TSC2: variants seen among roughly 807,000 people sequenced by gnomAD.
TSC2 encodes the protein tuberin.
TSC2 carries 29 observed loss-of-function variants against 202.2 expected under a neutral mutation model. That is an observed-to-expected ratio of 0.14 (90% CI 0.11 to 0.20). The LOEUF is 0.20. Ranked by LOEUF, TSC2 falls within the 10% of genes least tolerant of loss-of-function variation. TSC2 has a pLI of 1.00. For missense variants in TSC2, 2,429 were observed against 2,420.0 expected, an observed-to-expected ratio of 1.00 and a Z score of -0.08; for synonymous variants, 1,349 against 1,044.0, an observed-to-expected ratio of 1.29 and a Z score of -5.63.
chr16:2,050,476 A>G lies in TSC2; in HGVS notation c.215A>G (p.Lys72Arg), dbSNP rs1489623582. ...GQICEVAKTK[K>R]FEEHAVEALW... ...ATTTGTGAAGTCGCAAAAACCAAGAAATTTGAAGAGGTAGGTTTATCCAGT... is the reference window on the plus strand; with the variant it reads ...ATTTGTGAAGTCGCAAAAACCAAGAGATTTGAAGAGGTAGGTTTATCCAGT... Residue 72 changes from lysine to arginine, a missense_variant, in exon 3 of 42, where the codon AAA becomes AGA. By Grantham distance (26) the Lys-to-Arg change is conservative. Transcript: ENST00000219476. 2.5e-6 allele frequency: 4 copies of G among 1,613,764 alleles called. No individual in the cohort carries two copies. The highest frequency in any genetic ancestry group is 3.4e-6 in the Non-Finnish European group (4 of 1,179,914).
Position 2,066,651 on chromosome 16 carries a change from CTTTT to C in TSC2, c.1716+1037_1716+1040del, listed in dbSNP as rs34619573. Among the ~76,000 whole-genome samples, 10 of 98,484 alleles carry C rather than the reference CTTTT, an allele frequency of 1.0e-4. No individual in the cohort carries two copies. The East Asian group carries it at 1.5e-3, about 15-fold the overall frequency. 64.6% of individuals were successfully genotyped at this position (98,484 alleles called of 152,430 possible). A position where few individuals can be genotyped will look rare whatever the true frequency, so the allele number is the denominator to read the frequency against. On this transcript the variant is annotated intron_variant, in intron 16 of 41. Transcript: ENST00000219476. ...GCAGCATGTAAGGGTTCTGATTTAT[CTTTT>C]TTTTTTTTTTTTTTTTTTTTGATAC... is the stretch of plus-strand genomic sequence containing the variant.
At position 2,081,651 on chromosome 16, in the gene TSC2, A is replaced by G; in HGVS notation, c.3667A>G (p.Ile1223Val). ...ENPLSPFSSD[I>V]NNMPLQELSN... ...CCCGCTCAGCCCTTTCTCCTCGGAC[A>G]TCAACAACATGCCCCTGCAGGAGCT... The change falls in exon 31 of 42, where the codon ATC becomes GTC. Residue 1223 changes from isoleucine (I) to valine (V), a missense_variant. Transcript: ENST00000219476. 1 of 1,612,956 alleles carries G rather than the reference A, an allele frequency of 6.2e-7. No homozygotes were observed. The highest frequency in any genetic ancestry group is 8.5e-7 in the Non-Finnish European group (1 of 1,180,006).
At chr16:2,087,162 C>A (rs2090919096) in intron 38 of TSC2, 1 of 481,322 alleles carries the variant, frequency 2.1e-6, no homozygotes, top group African/African-American at 2.0e-5. Context: ...TCCGGCGCGG[C>A]CCTTGGGCCC....
At position 2,056,643 on chromosome 16, in the gene TSC2, G is replaced by C. The variant is rs794727906; in HGVS notation, c.649-1G>C. ...GCGTGAGCCGTCTCCCTCTCCACCA[G>C]GTCTCCCTGCAGGTGCTGGACGCCG... On this transcript the variant is annotated splice_acceptor_variant, in intron 7 of 41. Coordinates refer to ENST00000219476, the MANE Select transcript of TSC2 (RefSeq NM_000548.5). LOFTEE classifies it high-confidence loss of function. 1.2e-6 allele frequency: 2 copies of C among 1,610,220 alleles called. No homozygotes were observed. Among genetic ancestry groups the C allele is most frequent in the Non-Finnish European group, 1.7e-6 (2 of 1,179,986 alleles).
At position 2,079,963 on chromosome 16, in the gene TSC2, A is replaced by G. The variant is rs564787362; in HGVS notation, c.3398-202A>G. ...CTCCAGCGAGCCGTGGTCTGACTGC[A>G]GGACAGGTTCTGGGTCCCTCCCTGT... On this transcript the variant is annotated intron_variant, in intron 29 of 41. Coordinates refer to ENST00000219476, the MANE Select transcript of TSC2 (RefSeq NM_000548.5). This position sits in a 1 kb window ranked among gnomAD's most constrained non-coding sequence, Gnocchi z 4.6. Among the ~76,000 whole-genome samples, 10 of 152,320 alleles carry G rather than the reference A, an allele frequency of 6.6e-5. No homozygotes were observed. The South Asian group carries it at 2.1e-3, about 32-fold the overall frequency.
At chr16:2,086,625 C>T in intron 37 of TSC2, 107 bp from the exon 38 acceptor site, 9 of 1,545,602 alleles carry the variant, frequency 5.8e-6, no homozygotes, top group African/African-American at 2.7e-5. Context: ...GGACGTGGTC[C>T]CCGCAGGCCC....
At chr16:2,080,901 C>G (rs756543454) in intron 30 of TSC2, 9 of 168,994 alleles carry the variant, frequency 5.3e-5, no homozygotes, top group Non-Finnish European at 1.2e-4. Context: ...GTTGCCCTCC[C>G]CGCCTGGAGG....
chr16:2,050,377 T>A (rs1567386500), intron 2 of TSC2, 23 bp from the exon 3 acceptor site: 2 of 1,613,084 alleles, frequency 1.2e-6, no homozygotes, highest in Admixed American at 1.7e-5. Context: ...CTGGCCCCTT[T>A]TTCTTCTTTC....
chr16:2,065,072 C>A (rs2087132939), intron 15 of TSC2: 2 of 187,080 alleles, frequency 1.1e-5, no homozygotes, highest in South Asian at 2.0e-4. Flanking sequence ...CAAGATTCTG[C>A]CACTGCACTC....
At position 2,071,504 on chromosome 16, in the gene TSC2, T is replaced by G. The variant is rs747952317; in HGVS notation, c.1840-6T>G. On this transcript the variant is annotated splice_polypyrimidine_tract_variant and splice_region_variant and intron_variant, in intron 17 of 41. Transcript: ENST00000219476. ...GCTCTGGCTTTCACCATCCTCTTCC[T>G]GACAGGCCTTTGACTTCCTGTTGCT... 26 of 1,613,534 alleles carry G rather than the reference T, an allele frequency of 1.6e-5. No homozygotes were observed. The highest frequency in any genetic ancestry group is 2.0e-5 in the Non-Finnish European group (24 of 1,179,988).
chr16:2,062,263 C>A (rs1486492617), intron 12 of TSC2, among the ~76,000 whole-genome samples: 2 of 152,234 alleles, frequency 1.3e-5, no homozygotes, highest in African/African-American at 4.8e-5. Flanking sequence ...TCCTGTGGCT[C>A]CCAGGCGGCC....
At chr16:2,069,012 G>T (rs2087814008) in intron 16 of TSC2, among the ~76,000 whole-genome samples, 1 of 152,160 alleles carries the variant, frequency 6.6e-6, no homozygotes, top group Admixed American at 6.5e-5. Flanking sequence ...GAGACACATG[G>T]TCTTGCTCTC....
chr16:2,064,405 G>A lies in TSC2; in HGVS notation c.1577G>A (p.Ser526Asn), dbSNP rs376573446. The A allele has an allele frequency of 3.5e-5, 57 of 1,613,588 alleles. No individual in the cohort carries two copies. The highest frequency in any genetic ancestry group is 4.5e-5 in the Non-Finnish European group (53 of 1,180,036). ...AEGCHTHHFNSLLDIIEKVMA... is the reference protein window; with the variant it reads ...AEGCHTHHFNNLLDIIEKVMA... ...GGCTGCCACACACACCACTTCAACAGCCTGCTGGACATCATCGAGAAGGTG... is the reference window on the plus strand; with the variant it reads ...GGCTGCCACACACACCACTTCAACAACCTGCTGGACATCATCGAGAAGGTG... The change falls in exon 15 of 42, where the codon AGC (serine) becomes AAC (asparagine). Residue 526 changes from serine to asparagine, a missense_variant. Coordinates refer to ENST00000219476, the MANE Select transcript of TSC2 (RefSeq NM_000548.5).
chr16:2,057,286 C>G, intron 9 of TSC2, 108 bp downstream of exon 9: 1 of 1,346,016 alleles, frequency 7.4e-7, no homozygotes, highest in South Asian at 1.3e-5. Context: ...CTTGTCCTCT[C>G]GGGCAGCTGT....
rs1326077397 is a variant in TSC2, at chr16:2,080,293, C to T, written c.3526C>T (p.Pro1176Ser). 11 of 1,612,870 alleles carry T rather than the reference C, an allele frequency of 6.8e-6. No homozygotes were observed. Among genetic ancestry groups the T allele is most frequent in the Middle Eastern group, 1.6e-4 (1 of 6,082 alleles). ...GAAGGCCTCAGCTGGCACCCGGGTT[C>T]CTGTGCAGGAGAAGACGAACCTGGC... The part of the protein sequence containing the change: ...PEKASAGTRV[P>S]VQEKTNLAAY... The change falls in exon 30 of 42, where the codon CCT (proline) becomes TCT (serine). Residue 1176 changes from proline to serine, a missense_variant. Pro to Ser is a moderately conservative substitution (Grantham distance 74). Coordinates refer to ENST00000219476, the MANE Select transcript of TSC2 (RefSeq NM_000548.5).
chr16:2,076,355 A>C, intron 24 of TSC2, 136 bp from the exon 25 acceptor site: 2 of 1,567,294 alleles, frequency 1.3e-6, no homozygotes, highest in Non-Finnish European at 8.7e-7. Context: ...GCAGGCATTG[A>C]GGGGTGGGAG....
intron 16 of TSC2, among the ~76,000 whole-genome samples, chr16:2,068,031 C>G (rs1567449089): frequency 1.3e-5 from 2 of 152,142 alleles, no homozygotes; most frequent in African/African-American, 4.8e-5. Context: ...CTGGTTCTGG[C>G]TGCTTTCATT....
intron 19 of TSC2, 64 bp downstream of exon 19, chr16:2,071,998 C>T (rs2151311074): frequency 6.6e-7 from 1 of 1,511,798 alleles, no homozygotes; most frequent in South Asian, 1.2e-5. Context: ...GAGCTGCCAC[C>T]TGCCTGCTGG....
In TSC2 at chr16:2,088,648, A is replaced by G. The variant is rs763753895; in HGVS notation, c.*38A>G. On this transcript the variant is annotated 3_prime_UTR_variant, in exon 42 of 42. Transcript: ENST00000219476. ...CCCTCCTGCACTGGCCTTGGACGGT[A>G]TTGCCTGTCAGTGAAATAAATAAAG... 2 of 1,580,684 alleles carry G rather than the reference A, an allele frequency of 1.3e-6. No homozygotes were observed. Among genetic ancestry groups the G allele is most frequent in the Non-Finnish European group, 1.7e-6 (2 of 1,170,720 alleles).
Sources: gnomAD v4.1 joint callset for allele counts (sites outside exome capture counted in the v4.1 genomes callset) on GRCh38, gnomAD v4.1.1 for gene constraint, Gnocchi (gnomAD v3.1) non-coding constraint, MANE v1.5 for transcripts, NCBI Gene and HGNC (gene_info 2026-07-23, HGNC 2026-07-21) for gene names.